The following ZNF700 variants were observed in gnomAD, a reference collection of about 807,000 sequenced individuals.
ZNF700 encodes zinc finger protein 700.
Under a neutral mutation model 65.3 loss-of-function variants are expected in ZNF700, and 38 were observed. The ratio of observed to expected loss-of-function variants is 0.58; its 90% confidence interval spans 0.45 to 0.76. The LOEUF is 0.76. Ranked by LOEUF, ZNF700 falls within the 30% of genes least tolerant of loss-of-function variation. The pLI, the probability that ZNF700 is intolerant of heterozygous loss-of-function variation, is 0.00. For missense variants in ZNF700, 857 were observed against 888.4 expected, an observed-to-expected ratio of 0.96 and a Z score of 0.45; for synonymous variants, 285 against 290.4, an observed-to-expected ratio of 0.98 and a Z score of 0.19.
rs767690693 is a variant in ZNF700 at position 11,949,014 on chromosome 19, G to GA, written c.996dup (p.Pro333ThrfsTer3). On this transcript the variant is annotated frameshift_variant, in exon 4 of 4. Coordinates refer to ENST00000254321, the MANE Select transcript of ZNF700 (RefSeq NM_144566.3). LOFTEE classifies it high-confidence loss of function. ...GTAGACATGAAAGGACCCACTCTGG[G>GA]AAAAAACCGTATGAATGTAAGCAAT... The GA allele has an allele frequency of 3.1e-6, 5 of 1,605,408 alleles. No individual in the cohort carries two copies. Among genetic ancestry groups the GA allele is most frequent in the East Asian group, 4.5e-5 (2 of 44,852 alleles).
intron 1 of ZNF700, among the ~76,000 whole-genome samples, chr19:11,928,682 A>C (rs1972670142): frequency 7.0e-6 from 1 of 142,652 alleles, no homozygotes; most frequent in Non-Finnish European, 1.5e-5. Flanking sequence ...CAGTGAGCCG[A>C]GATCCCGCCA....
rs57120234 is a variant in ZNF700 at position 11,927,422 on chromosome 19, TTAAATAAATAAA to T, written c.63+2180_63+2191del. Among the ~76,000 whole-genome samples the T allele has an allele frequency of 8.9e-3, 1,280 of 143,130 alleles. 17 individuals are homozygous for T. The highest frequency in any genetic ancestry group is 0.03 in the African/African-American group (1,149 of 38,852). The allele number at this position is 143,130 out of a possible 152,430, so 93.9% of individuals were successfully genotyped here. On this transcript the variant is annotated intron_variant, in intron 1 of 3. Coordinates refer to ENST00000254321, the MANE Select transcript of ZNF700 (RefSeq NM_144566.3). ...CAACACAGCGAGACCCTGTCTCTAT[TTAAATAAATAAA>T]TAAATAAATAAATAAATAAATAAAT...
chr19:11,930,336 T>C (rs1972695588), intron 1 of ZNF700, among the ~76,000 whole-genome samples: 1 of 148,342 alleles, frequency 6.7e-6, no homozygotes. Flanking sequence ...CCAACAAGGT[T>C]GTATTTAGCT....
chr19:11,943,799 ACAAGTC>A (rs1972920352), intron 1 of ZNF700, among the ~76,000 whole-genome samples: 1 of 152,234 alleles, frequency 6.6e-6, no homozygotes, highest in Admixed American at 6.5e-5. Flanking sequence ...TCCTTATTCT[ACAAGTC>A]CAAATTTTAA....
chr19:11,948,974 A>T lies in ZNF700; in HGVS notation c.950A>T (p.Tyr317Phe). 4 of 1,607,890 alleles carry T rather than the reference A, an allele frequency of 2.5e-6. No individual in the cohort carries two copies. The highest frequency in any genetic ancestry group is 2.2e-5 in the South Asian group (2 of 89,476). Residue 317 changes from tyrosine (Y) to phenylalanine (F), a missense_variant, in exon 4 of 4, where the codon TAT becomes TTT. This residue lies in a region of ZNF700 where 603 missense variants were observed against 619.9 expected (regional missense o/e 0.97). Coordinates refer to ENST00000254321, the MANE Select transcript of ZNF700 (RefSeq NM_144566.3). ...AAAGAATGTGGAAAAGCATTTGCAT[A>T]TACCAGTTCTCTTCGTAGACATGAA... Reference protein sequence around the residue: ...QCKECGKAFAYTSSLRRHERT... With the variant: ...QCKECGKAFAFTSSLRRHERT...
Position 11,948,895 on chromosome 19 carries a change from A to G in ZNF700, c.871A>G (p.Ser291Gly). The G allele has an allele frequency of 1.2e-6, 2 of 1,604,042 alleles. No individual in the cohort carries two copies. Among genetic ancestry groups the G allele is most frequent in the Non-Finnish European group, 1.7e-6 (2 of 1,177,852 alleles). Reference sequence around the variant, plus strand: ...ATGTGATAAAGCATTTCATAGTTCTAGTTCCTATCATAGACATGAAAGAAG... The same window carrying G: ...ATGTGATAAAGCATTTCATAGTTCTGGTTCCTATCATAGACATGAAAGAAG... ...SKCDKAFHSS[S>G]SYHRHERSHM... Residue 291 changes from serine (S) to glycine (G), a missense_variant, in exon 4 of 4, where the codon AGT becomes GGT. Coordinates refer to ENST00000254321, the MANE Select transcript of ZNF700 (RefSeq NM_144566.3).
At chr19:11,928,440 A>G (rs994578646) in intron 1 of ZNF700, among the ~76,000 whole-genome samples, 2 of 151,920 alleles carry the variant, frequency 1.3e-5, no homozygotes, top group Non-Finnish European at 2.9e-5. Context: ...TGTGTGAGAA[A>G]GTAGTCTCTG....
intron 1 of ZNF700, among the ~76,000 whole-genome samples, chr19:11,945,146 C>T (rs73923308): frequency 0.02 from 2,984 of 152,314 alleles, 75 homozygotes; most frequent in African/African-American, 0.059. Context: ...AGCCCCAGGG[C>T]TGGGACTGAC....
intron 1 of ZNF700, among the ~76,000 whole-genome samples, chr19:11,941,380 G>T (rs1404521521): frequency 6.6e-6 from 1 of 152,244 alleles, no homozygotes; most frequent in Admixed American, 6.5e-5. Flanking sequence ...GGCCGCACAG[G>T]AGCCCATGGA....
intron 1 of ZNF700, among the ~76,000 whole-genome samples, chr19:11,938,278 A>C (rs13382072): frequency 0.094 from 14,366 of 152,100 alleles, 1,272 homozygotes; most frequent in African/African-American, 0.24. Flanking sequence ...GTACATGTGC[A>C]CAATGTGCAG....
intron 1 of ZNF700, among the ~76,000 whole-genome samples, chr19:11,939,401 T>A (rs58031535): frequency 0.02 from 2,979 of 152,320 alleles, 73 homozygotes; most frequent in African/African-American, 0.059. Flanking sequence ...TTAATTTTTG[T>A]ATAAGGCGTA....
chr19:11,928,531 G>A (rs1186330941), intron 1 of ZNF700, among the ~76,000 whole-genome samples: 1 of 148,812 alleles, frequency 6.7e-6, no homozygotes, highest in East Asian at 2.0e-4. Flanking sequence ...AGGAGATCGA[G>A]ACCATCCCGG....
intron 1 of ZNF700, among the ~76,000 whole-genome samples, chr19:11,941,643 CCG>C (rs1337284816): frequency 6.6e-6 from 1 of 152,180 alleles, no homozygotes; most frequent in Non-Finnish European, 1.5e-5. Flanking sequence ...CCCGCAAGCG[CCG>C]CGCGCAGCCC....
Position 11,950,298 on chromosome 19 carries a change from G to A in ZNF700, c.*45G>A. 1 of 1,568,980 alleles carries A rather than the reference G, an allele frequency of 6.4e-7. No homozygotes were observed. Among genetic ancestry groups the A allele is most frequent in the Non-Finnish European group, 8.6e-7 (1 of 1,158,566 alleles). ...ATGAATAGACTCACACTGGAAGGAA[G>A]CACTATGAATGCAAGCAATGTGGCA... On this transcript the variant is annotated 3_prime_UTR_variant, in exon 4 of 4. Coordinates refer to ENST00000254321, the MANE Select transcript of ZNF700 (RefSeq NM_144566.3).
At chr19:11,946,972 G>A (rs1972969246) in intron 1 of ZNF700, 1 of 979,272 alleles carries the variant, frequency 1.0e-6, no homozygotes, top group Admixed American at 3.8e-5. Flanking sequence ...TGGGCAACAA[G>A]AGTGAAACTC....
chr19:11,950,135 A>G lies in ZNF700; in HGVS notation c.2111A>G (p.Tyr704Cys), dbSNP rs758158676. 1.2e-6 allele frequency: 2 copies of G among 1,614,068 alleles called. No individual in the cohort carries two copies. The highest frequency in any genetic ancestry group is 2.2e-5 in the East Asian group (1 of 44,876). ...AGAACACACATTGGAGAGAAACACT[A>G]TGAATGTAAGGAATGCGGAAAAGCA... ...HARTHIGEKH[Y>C]ECKECGKAFN... Residue 704 changes from tyrosine to cysteine, a missense_variant, in exon 4 of 4, where the codon TAT becomes TGT. Tyr to Cys is a radical substitution (Grantham distance 194). Around this residue, in one of 3 missense-constraint regions of ZNF700, gnomAD observed 251 missense variants for 250.3 expected, o/e 1.00. Transcript: ENST00000254321.
chr19:11,925,325 A>T, intron 1 of ZNF700, 52 bp downstream of exon 1: 1 of 1,602,054 alleles, frequency 6.2e-7, no homozygotes, highest in South Asian at 1.1e-5. Context: ...TGCCTGGAAC[A>T]GGCGGGAACC....
Position 11,948,865 on chromosome 19 carries a change from A to G in ZNF700, c.841A>G (p.Ser281Gly). ...THTGEKPYEC[S>G]KCDKAFHSSS... ...CACTGGGGAGAAGCCCTATGAATGT[A>G]GCAAATGTGATAAAGCATTTCATAG... The change falls in exon 4 of 4, where the codon AGC (serine) becomes GGC (glycine). Residue 281 changes from serine to glycine, a missense_variant. Transcript: ENST00000254321. 1 of 1,604,626 alleles carries G rather than the reference A, an allele frequency of 6.2e-7. No individual in the cohort carries two copies. Among genetic ancestry groups the G allele is most frequent in the Non-Finnish European group, 8.5e-7 (1 of 1,178,006 alleles).
intron 3 of ZNF700, 147 bp from the exon 4 acceptor site, chr19:11,948,129 C>G: frequency 1.1e-6 from 1 of 900,630 alleles, no homozygotes; most frequent in Non-Finnish European, 1.7e-6. Flanking sequence ...TCTTGTAGAA[C>G]ATGTCCAGTC....
Sources: gnomAD v4.1 joint callset for allele counts (sites outside exome capture counted in the v4.1 genomes callset) on GRCh38, gnomAD v4.1.1 for gene constraint, gnomAD v4.1.1 regional missense constraint, MANE v1.5 for transcripts, NCBI Gene and HGNC (gene_info 2026-07-23, HGNC 2026-07-21) for gene names.